The following AKT3 variants were observed in gnomAD, a reference collection of about 807,000 sequenced individuals.
The protein encoded by AKT3 is RAC-gamma serine/threonine-protein kinase.
AKT3 carries 15 observed loss-of-function variants against 65.3 expected under a neutral mutation model. The ratio of observed to expected loss-of-function variants is 0.23; its 90% CI spans 0.15 to 0.35. The LOEUF is 0.35. Among genes scored for constraint, AKT3 ranks in the 10% least tolerant of loss-of-function variants. The pLI is 1.00. For missense variants in AKT3, 243 were observed against 576.5 expected, an observed-to-expected ratio of 0.42 and a Z score of 5.92; for synonymous variants, 206 against 183.8, an observed-to-expected ratio of 1.12 and a Z score of -0.98.
At chr1:243,787,551 G>A (rs375494789) in intron 2 of AKT3, among the ~76,000 whole-genome samples, 2 of 152,080 alleles carry the variant, frequency 1.3e-5, no homozygotes, top group African/African-American at 4.8e-5. Flanking sequence ...AACTACATAG[G>A]GTATTCAGAG....
chr1:243,494,250 G>A (rs540470719), intron 13 of AKT3, among the ~76,000 whole-genome samples: 2 of 152,060 alleles, frequency 1.3e-5, no homozygotes, highest in South Asian at 2.1e-4. Flanking sequence ...ATTTTCACCC[G>A]AATTGTCAGT....
At chr1:243,758,337 T>C (rs1460327308) in intron 2 of AKT3, among the ~76,000 whole-genome samples, 1 of 152,088 alleles carries the variant, frequency 6.6e-6, no homozygotes, top group Non-Finnish European at 1.5e-5. Flanking sequence ...ACGGCAACTT[T>C]TAAGGAAAAT....
At chr1:243,803,672 AC>A (rs1692524323) in intron 2 of AKT3, among the ~76,000 whole-genome samples, 3 of 151,432 alleles carry the variant, frequency 2.0e-5, no homozygotes, top group African/African-American at 2.4e-5. Flanking sequence ...ACACACACAC[AC>A]ACACACACAC....
At chr1:243,643,733 A>T (rs1453712003) in intron 5 of AKT3, among the ~76,000 whole-genome samples, 1 of 152,236 alleles carries the variant, frequency 6.6e-6, no homozygotes. Flanking sequence ...CACCATAGCC[A>T]TCATAATCAG....
chr1:243,702,352 G>A (rs1685522932), intron 2 of AKT3, among the ~76,000 whole-genome samples: 1 of 152,146 alleles, frequency 6.6e-6, no homozygotes, highest in African/African-American at 2.4e-5. Flanking sequence ...AAGGACTCTG[G>A]AGTCACACAG....
intron 2 of AKT3, among the ~76,000 whole-genome samples, chr1:243,713,523 CAT>C (rs1686288170): frequency 6.6e-6 from 1 of 152,008 alleles, no homozygotes; most frequent in African/African-American, 2.4e-5. Flanking sequence ...GACATCTGCA[CAT>C]GTTTATGCGT....
chr1:243,589,357 C>T (rs963545189), intron 8 of AKT3, among the ~76,000 whole-genome samples: 1 of 138,800 alleles, frequency 7.2e-6, no homozygotes, highest in African/African-American at 2.7e-5. Context: ...AAAATCTGAT[C>T]AAAAAATAGG....
chr1:243,516,240 C>T (rs905744860), intron 12 of AKT3, among the ~76,000 whole-genome samples: 1 of 152,170 alleles, frequency 6.6e-6, no homozygotes, highest in African/African-American at 2.4e-5. Flanking sequence ...TTGTATCTTT[C>T]AACATATGTG....
At chr1:243,651,501 G>T (rs1202941920) in intron 4 of AKT3, among the ~76,000 whole-genome samples, 1 of 152,118 alleles carries the variant, frequency 6.6e-6, no homozygotes, top group East Asian at 1.9e-4. Context: ...TCCAGTTTTT[G>T]CCCATTCAGT....
At chr1:243,626,138 T>C (rs1679142980) in intron 6 of AKT3, among the ~76,000 whole-genome samples, 1 of 152,198 alleles carries the variant, frequency 6.6e-6, no homozygotes, top group South Asian at 2.1e-4. Context: ...GCATCTGATA[T>C]AACTGCTGCA....
At position 243,826,925 on chromosome 1, in the gene AKT3, C is replaced by T. The variant is rs202022224; in HGVS notation, c.46+16200G>A. Among the ~76,000 whole-genome samples the T allele has an allele frequency of 3.4e-4, 52 of 152,012 alleles. No individual in the cohort carries two copies. The East Asian group carries it at 7.9e-3, about 23-fold the overall frequency. The stretch of plus-strand genomic sequence containing the variant: ...AGTAAGTGTGACAACAAATTAAACC[C>T]GGGACAAATTAAATTAAATGTTAGG... On this transcript the variant is annotated intron_variant, in intron 2 of 13. Coordinates refer to ENST00000673466, the MANE Select transcript of AKT3 (RefSeq NM_005465.7).
At chr1:243,687,694 T>C (rs1422747181) in intron 3 of AKT3, 2 of 152,156 alleles carry the variant, frequency 1.3e-5, no homozygotes, top group African/African-American at 4.8e-5. Flanking sequence ...ATTTTTGTTC[T>C]TTTCAAATTG....
chr1:243,701,295 T>C (rs1422305812), intron 2 of AKT3, among the ~76,000 whole-genome samples: 1 of 152,206 alleles, frequency 6.6e-6, no homozygotes, highest in Admixed American at 6.5e-5. Context: ...ACCTCACAAA[T>C]AGATCATGTT....
intron 13 of AKT3, chr1:243,488,942 T>A (rs1419660882): frequency 6.2e-7 from 1 of 1,610,240 alleles, no homozygotes; most frequent in African/African-American, 1.3e-5. Context: ...TTCCCTCAGA[T>A]ACACACAGCC....
intron 6 of AKT3, chr1:243,624,520 C>A (rs1679006387): frequency 6.6e-6 from 1 of 152,286 alleles, no homozygotes; most frequent in South Asian, 2.1e-4. Flanking sequence ...CTTGGAATAA[C>A]AAACTCTTAA....
At chr1:243,707,772 A>C (rs1037140937) in intron 2 of AKT3, among the ~76,000 whole-genome samples, 1 of 152,134 alleles carries the variant, frequency 6.6e-6, no homozygotes, top group African/African-American at 2.4e-5. Flanking sequence ...AATTCAAAGA[A>C]GTGTTAAGTC....
intron 2 of AKT3, among the ~76,000 whole-genome samples, chr1:243,698,687 C>T (rs577148346): frequency 1.8e-4 from 28 of 152,082 alleles, no homozygotes; most frequent in Admixed American, 1.6e-3. Context: ...TAAAGAATTT[C>T]CCTTCTTCCT....
chr1:243,839,426 C>T (rs1006072806), intron 2 of AKT3, among the ~76,000 whole-genome samples: 1 of 152,170 alleles, frequency 6.6e-6, no homozygotes, highest in African/African-American at 2.4e-5. Context: ...GTCCTGGATC[C>T]ATCAAGGAGG....
intron 2 of AKT3, among the ~76,000 whole-genome samples, chr1:243,717,117 GT>G (rs1262992933): frequency 6.6e-6 from 1 of 152,120 alleles, no homozygotes; most frequent in Non-Finnish European, 1.5e-5. Context: ...TCACTCAGAA[GT>G]TTTTTTCCTT....
Sources: gnomAD v4.1 joint callset for allele counts (sites outside exome capture counted in the v4.1 genomes callset) on GRCh38, gnomAD v4.1.1 for gene constraint, MANE v1.5 for transcripts, NCBI Gene and HGNC (gene_info 2026-07-23, HGNC 2026-07-21) for gene names.